Variants in NRG3 observed in about 807,000 individuals in gnomAD.
NRG3 encodes neuregulin 3.
Under a neutral mutation model 66.9 loss-of-function variants are expected in NRG3, and 31 were observed. The ratio of observed to expected loss-of-function variants is 0.46; its 90% CI spans 0.35 to 0.63. The LOEUF (loss-of-function observed/expected upper bound fraction) is 0.63. Ranked by LOEUF, NRG3 falls within the 20% of genes least tolerant of loss-of-function variation. NRG3 has a pLI of 0.00. For synonymous variants in NRG3, 393 were observed against 359.4 expected, an observed-to-expected ratio of 1.09 and a Z score of -1.06; for missense variants, 910 against 878.9, an observed-to-expected ratio of 1.04 and a Z score of -0.45.
intron 2 of NRG3, among the ~76,000 whole-genome samples, chr10:82,398,870 C>T (rs546193561): frequency 2.6e-5 from 4 of 152,178 alleles, no homozygotes; most frequent in South Asian, 2.1e-4. Flanking sequence ...GCTGCTTTTC[C>T]GACTTGATGA....
Position 82,351,888 on chromosome 10 carries a change from A to G in NRG3, c.824-6851A>G, listed in dbSNP as rs529155960. ...TACTTCTCTGTCAATGGCAAGCCCTACTACCGTCCTCCAGCATATTGGATT... is the reference window on the plus strand; with the variant it reads ...TACTTCTCTGTCAATGGCAAGCCCTGCTACCGTCCTCCAGCATATTGGATT... On this transcript the variant is annotated intron_variant, in intron 1 of 8. Transcript: ENST00000372141. Among the ~76,000 whole-genome samples the G allele has an allele frequency of 5.3e-5, 8 of 152,338 alleles. No homozygotes were observed. The South Asian group carries it at 1.4e-3, about 28-fold the overall frequency.
intron 2 of NRG3, among the ~76,000 whole-genome samples, chr10:82,374,393 T>G (rs2085077858): frequency 6.6e-6 from 1 of 152,142 alleles, no homozygotes; most frequent in Admixed American, 6.5e-5. Context: ...CTCTCGATCC[T>G]CCAATCTTGT....
At chr10:82,675,024 C>T (rs955453899) in intron 2 of NRG3, among the ~76,000 whole-genome samples, 7 of 151,610 alleles carry the variant, frequency 4.6e-5, no homozygotes, top group Non-Finnish European at 7.4e-5. Flanking sequence ...CAATGGCGCG[C>T]CTCGGCTCAC....
intron 1 of NRG3, among the ~76,000 whole-genome samples, chr10:82,179,335 T>C (rs1040229281): frequency 6.6e-6 from 1 of 152,042 alleles, no homozygotes; most frequent in Non-Finnish European, 1.5e-5. Context: ...AATAATGTCA[T>C]GAAGCTTTTC....
At chr10:82,217,202 G>A (rs182518470) in intron 1 of NRG3, among the ~76,000 whole-genome samples, 3 of 152,254 alleles carry the variant, frequency 2.0e-5, no homozygotes, top group Admixed American at 6.5e-5. Flanking sequence ...TTTGTTGAGG[G>A]TGCCTGTGGG....
chr10:82,348,957 T>C (rs2135480012), intron 1 of NRG3, among the ~76,000 whole-genome samples: 1 of 148,898 alleles, frequency 6.7e-6, no homozygotes, highest in African/African-American at 2.5e-5. Context: ...GTTATTCTAG[T>C]TATACATTCT....
At chr10:82,419,414 A>G (rs1454811834) in intron 2 of NRG3, among the ~76,000 whole-genome samples, 1 of 152,230 alleles carries the variant, frequency 6.6e-6, no homozygotes, top group Non-Finnish European at 1.5e-5. Context: ...TAAAACAGTA[A>G]CTGAGAGCCA....
chr10:82,104,520 A>G (rs542408267), intron 1 of NRG3, among the ~76,000 whole-genome samples: 23 of 152,332 alleles, frequency 1.5e-4, no homozygotes, highest in Admixed American at 9.2e-4. Flanking sequence ...ATCCGTCTTC[A>G]GTAAAACTGT....
chr10:82,122,939 T>C (rs1278739541), intron 1 of NRG3, among the ~76,000 whole-genome samples: 1 of 151,972 alleles, frequency 6.6e-6, no homozygotes, highest in Non-Finnish European at 1.5e-5. Context: ...CCAAATCTGC[T>C]CTGTGTTACC....
At chr10:82,381,233 C>T (rs1218538282) in intron 2 of NRG3, among the ~76,000 whole-genome samples, 2 of 151,940 alleles carry the variant, frequency 1.3e-5, no homozygotes, top group East Asian at 1.9e-4. Flanking sequence ...TCTGACACAG[C>T]GGTTTTTGTA....
chr10:82,036,042 G>A (rs1339611178), intron 1 of NRG3, among the ~76,000 whole-genome samples: 3 of 151,962 alleles, frequency 2.0e-5, no homozygotes, highest in Non-Finnish European at 4.4e-5. Flanking sequence ...TACTATTTCT[G>A]CCATGGAGTC....
intron 2 of NRG3, among the ~76,000 whole-genome samples, chr10:82,469,951 T>G (rs181457043): frequency 6.6e-6 from 1 of 152,330 alleles, no homozygotes; most frequent in African/African-American, 2.4e-5. Context: ...AGTGGCAAGC[T>G]AATCGCTTTC....
intron 1 of NRG3, among the ~76,000 whole-genome samples, chr10:82,176,534 C>T (rs1264549177): frequency 2.0e-5 from 3 of 152,138 alleles, no homozygotes; most frequent in Non-Finnish European, 4.4e-5. Flanking sequence ...CCCTCTGTCA[C>T]AGAGCACACT....
chr10:82,358,816 G>T lies in NRG3; in HGVS notation c.901G>T (p.Asp301Tyr). 6.2e-7 allele frequency: 1 copy of T among 1,614,180 alleles called. No homozygotes were observed. Among genetic ancestry groups the T allele is most frequent in the Non-Finnish European group, 8.5e-7 (1 of 1,180,028 alleles). Residue 301 changes from aspartate to tyrosine, a missense_variant, in exon 2 of 9, where the codon GAT (aspartate) becomes TAT (tyrosine). Coordinates refer to ENST00000372141, the MANE Select transcript of NRG3 (RefSeq NM_001010848.4). ...RDKDLAYCLN[D>Y]GECFVIETLT... is the part of the protein sequence containing the mutation. ...CAAGGACCTTGCATACTGTCTCAAT[G>T]ATGGCGAGTGCTTTGTGATCGAAAC...
chr10:82,370,542 C>T (rs969828239), intron 2 of NRG3, among the ~76,000 whole-genome samples: 1 of 106,498 alleles, frequency 9.4e-6, no homozygotes, highest in Admixed American at 8.4e-5. Context: ...TATTCTTATT[C>T]AGGGATGCGG....
In NRG3 at chr10:82,397,851, C is replaced by A. The variant is rs73310895; in HGVS notation, c.953+38983C>A. Among the ~76,000 whole-genome samples the A allele has an allele frequency of 2.3e-3, 348 of 152,172 alleles. 2 individuals carry two copies. The highest frequency in any genetic ancestry group is 7.6e-3 in the African/African-American group (315 of 41,496). The stretch of plus-strand genomic sequence containing the variant: ...TTTAATGAGAGCCATCTTATCCCAG[C>A]GAGTAAAAGGCAAATACCAGCTGCC... On this transcript the variant is annotated intron_variant, in intron 2 of 8. Transcript: ENST00000372141.
intron 1 of NRG3, among the ~76,000 whole-genome samples, chr10:81,991,811 A>G (rs537208089): frequency 3.2e-4 from 48 of 152,284 alleles, no homozygotes; most frequent in Non-Finnish European, 6.3e-4. Context: ...AAGTAAAATA[A>G]TATCTATCAC....
chr10:82,172,503 A>G (rs956783073), intron 1 of NRG3, among the ~76,000 whole-genome samples: 1 of 152,136 alleles, frequency 6.6e-6, no homozygotes, highest in South Asian at 2.1e-4. Flanking sequence ...AAACTGGAGA[A>G]TAGAACAAGA....
At chr10:82,197,322 G>A (rs1237049348) in intron 1 of NRG3, among the ~76,000 whole-genome samples, 2 of 152,070 alleles carry the variant, frequency 1.3e-5, no homozygotes, top group Admixed American at 6.5e-5. Context: ...AACTTGATAT[G>A]CCCAGAGGTT....
Sources: allele counts gnomAD v4.1 joint callset (sites outside exome capture counted in the v4.1 genomes callset), GRCh38; gene constraint gnomAD v4.1.1; transcripts MANE v1.5; gene names NCBI Gene and HGNC (gene_info 2026-07-23, HGNC 2026-07-21).